NR4A1: variants seen among roughly 807,000 people sequenced by gnomAD.
The protein encoded by NR4A1 is nuclear receptor subfamily 4immunitygroup A member 1.
NR4A1 carries 24 observed loss-of-function variants against 47.5 expected under a neutral mutation model. That is an observed-to-expected ratio of 0.50 (90% CI 0.37 to 0.71). The LOEUF is 0.71. Among genes scored for constraint, NR4A1 ranks in the 30% least tolerant of loss-of-function variants. The pLI is 0.00. For missense variants in NR4A1, 669 were observed against 788.6 expected, an observed-to-expected ratio of 0.85 and a Z score of 1.82; for synonymous variants, 353 against 345.7, an observed-to-expected ratio of 1.02 and a Z score of -0.24.
At chr12:52,052,098 T>C (rs1001301772) in intron 1 of NR4A1, among the ~76,000 whole-genome samples, 27 of 152,214 alleles carry the variant, frequency 1.8e-4, no homozygotes, top group African/African-American at 6.3e-4. Context: ...CACCCTGAAC[T>C]TTCTGTCTGA....
At chr12:52,037,568 G>A in intron 1 of NR4A1, 1 of 982,820 alleles carries the variant, frequency 1.0e-6, no homozygotes. Context: ...TGGGGAGTCG[G>A]GGGGGGGACT....
chr12:52,046,511 A>G (rs906908496), upstream of NR4A1, among the ~76,000 whole-genome samples: 4 of 152,200 alleles, frequency 2.6e-5, no homozygotes, highest in Non-Finnish European at 5.9e-5. Context: ...ACTATGAGAT[A>G]TTGCATTCCC....
chr12:52,030,498 C>T (rs3858639), intron 1 of NR4A1, among the ~76,000 whole-genome samples: 6 of 152,094 alleles, frequency 3.9e-5, no homozygotes, highest in East Asian at 3.9e-4. Flanking sequence ...GTGCAATCTT[C>T]GCTAACTGCA....
chr12:52,050,962 G>C (rs964462569), upstream of NR4A1, among the ~76,000 whole-genome samples: 1 of 152,128 alleles, frequency 6.6e-6, no homozygotes, highest in Non-Finnish European at 1.5e-5. Flanking sequence ...CGGAGGGACC[G>C]GGCGCGGTTG....
rs760040963 is a variant in NR4A1 at position 52,054,807 on chromosome 12, A to C, written c.479A>C (p.His160Pro). The part of the protein sequence containing the change: ...QLSPWDGSFG[H>P]FSPSQTYEGL... ...TCTCCCTGGGATGGCTCCTTCGGCC[A>C]CTTCTCGCCCAGCCAGACTTACGAA... is the stretch of plus-strand genomic sequence containing the variant. The change falls in exon 2 of 7, where the codon CAC (histidine) becomes CCC (proline). Residue 160 changes from histidine to proline, a missense_variant. Transcript: ENST00000394825. 6.2e-7 allele frequency: 1 copy of C among 1,613,256 alleles called. No homozygotes were observed. Among genetic ancestry groups the C allele is most frequent in the Non-Finnish European group, 8.5e-7 (1 of 1,179,916 alleles).
intron 1 of NR4A1, among the ~76,000 whole-genome samples, chr12:52,033,991 G>A (rs1938185997): frequency 6.6e-6 from 1 of 152,192 alleles, no homozygotes; most frequent in Non-Finnish European, 1.5e-5. Flanking sequence ...CCTAGGTGGG[G>A]TGGAGTTTCA....
intron 1 of NR4A1, chr12:52,038,843 G>T: frequency 2.8e-6 from 2 of 709,720 alleles, no homozygotes; most frequent in South Asian, 1.5e-5. Flanking sequence ...AAAGTCAGCT[G>T]AGGAGTTCAG....
intron 2 of NR4A1, among the ~76,000 whole-genome samples, chr12:52,044,296 G>T (rs1565644835): frequency 6.6e-6 from 1 of 152,354 alleles, no homozygotes; most frequent in South Asian, 2.1e-4. Context: ...CACTAGTTGG[G>T]ACTGAGTGGC....
intron 1 of NR4A1, among the ~76,000 whole-genome samples, chr12:52,036,345 T>C (rs1294487100): frequency 6.6e-6 from 1 of 151,938 alleles, no homozygotes; most frequent in Non-Finnish European, 1.5e-5. Context: ...CAGGGCTTCC[T>C]GGTCACGGTG....
upstream of NR4A1, chr12:52,051,289 G>T (rs1224478189): frequency 2.2e-6 from 1 of 453,264 alleles, no homozygotes; most frequent in East Asian, 1.6e-4. Flanking sequence ...GGCTCCCCGG[G>T]CCGCACCTCC....
intron 1 of NR4A1, chr12:52,053,686 G>A (rs1167236064): frequency 1.3e-5 from 2 of 152,558 alleles, no homozygotes; most frequent in African/African-American, 2.4e-5. Flanking sequence ...TGCTGCCTTT[G>A]CTCAGTGTGC....
chr12:52,033,376 C>T (rs1267017519), intron 1 of NR4A1, among the ~76,000 whole-genome samples: 1 of 152,242 alleles, frequency 6.6e-6, no homozygotes, highest in Non-Finnish European at 1.5e-5. Flanking sequence ...GGGCCTCTCA[C>T]TTCGTAAATC....
intron 1 of NR4A1, chr12:52,041,695 C>T (rs1938444809): frequency 8.6e-7 from 1 of 1,162,170 alleles, no homozygotes; most frequent in Non-Finnish European, 1.1e-6. Context: ...TTGTCCCCCT[C>T]TTGTGGCCTA....
chr12:52,037,551 T>G (rs1209800641), intron 1 of NR4A1: 1 of 968,424 alleles, frequency 1.0e-6, no homozygotes, highest in Non-Finnish European at 1.2e-6. Flanking sequence ...GAGTCCCGCT[T>G]GGAAACTGGG....
At chr12:52,029,617 G>C (rs1454148185) in intron 1 of NR4A1, among the ~76,000 whole-genome samples, 1 of 152,192 alleles carries the variant, frequency 6.6e-6, no homozygotes, top group Non-Finnish European at 1.5e-5. Flanking sequence ...GAGCCAGGGA[G>C]GCTGAGGCTG....
chr12:52,041,506 C>T (rs187390739), intron 1 of NR4A1, among the ~76,000 whole-genome samples: 3 of 152,228 alleles, frequency 2.0e-5, no homozygotes, highest in East Asian at 1.9e-4. Context: ...TGTCAAAGGC[C>T]GAGAGCCAGG....
At chr12:52,038,183 G>T in intron 1 of NR4A1, 8 of 624,582 alleles carry the variant, frequency 1.3e-5, no homozygotes, top group Non-Finnish European at 1.6e-5. Context: ...TCCTGCCTCA[G>T]CCTCCAGAGT....
chr12:52,025,063 CTTT>C (rs532559170), intron 1 of NR4A1, among the ~76,000 whole-genome samples: 2 of 132,178 alleles, frequency 1.5e-5, no homozygotes, highest in Admixed American at 7.6e-5. Context: ...CTCACTGCTG[CTTT>C]TTTTTTTTTT....
intron 4 of NR4A1, 109 bp downstream of exon 4, chr12:52,056,754 T>G: frequency 8.9e-7 from 1 of 1,126,164 alleles, no homozygotes; most frequent in Non-Finnish European, 1.2e-6. Context: ...AGAAAGGAGG[T>G]TTAAAAAAGA....
Sources: allele counts gnomAD v4.1 joint callset (sites outside exome capture counted in the v4.1 genomes callset), GRCh38; gene constraint gnomAD v4.1.1; transcripts MANE v1.5; gene names NCBI Gene and HGNC (gene_info 2026-07-23, HGNC 2026-07-21).